Variants in GRIP2 observed in about 807,000 individuals in gnomAD.
GRIP2 encodes the protein glutamate receptor interacting protein 2.
GRIP2 carries 58 observed loss-of-function variants against 108.3 expected under a neutral mutation model. The observed-to-expected ratio is 0.54, with a 90% CI of 0.43 to 0.67. GRIP2 has a LOEUF of 0.67. Ranked by LOEUF, GRIP2 falls within the 30% of genes least tolerant of loss-of-function variation. The probability of loss-of-function intolerance (pLI) is 0.00; values close to 1 mark genes in which losing one functional copy is unlikely to be tolerated. For missense variants in GRIP2, 1,278 were observed against 1,430.6 expected (o/e 0.89, Z 1.72); for synonymous variants, 586 against 598.2 (o/e 0.98, Z 0.30).
At chr3:14,534,694 G>A (rs1343900463) in intron 1 of GRIP2, among the ~76,000 whole-genome samples, 2 of 152,176 alleles carry the variant, frequency 1.3e-5, no homozygotes, top group Non-Finnish European at 2.9e-5. Context: ...GGGACAGAGG[G>A]AGAAACGTGC....
At chr3:14,579,486 G>C in the GRIP2 span, among the ~76,000 whole-genome samples, 2 of 152,314 alleles carry the variant, frequency 1.3e-5, no homozygotes, top group East Asian at 3.9e-4. Context: ...TCGGATGGGA[G>C]GACGGGCATG....
chr3:14,502,266 G>A (rs1693786760), intron 21 of GRIP2, among the ~76,000 whole-genome samples: 1 of 152,190 alleles, frequency 6.6e-6, no homozygotes, highest in South Asian at 2.1e-4. Context: ...GCTGAGGCAG[G>A]TGGATCACTT....
At position 14,490,417 on chromosome 3, in the gene GRIP2, T is replaced by C. The variant is rs1701308829; in HGVS notation, c.*3248A>G. 6.5e-6 allele frequency: 1 copy of C among 152,812 alleles called. No individual in the cohort carries two copies. The highest frequency in any genetic ancestry group is 2.4e-5 in the African/African-American group (1 of 41,492). 9.5% of individuals were successfully genotyped at this position (152,812 alleles called of 1,614,324 possible). On this transcript the variant is annotated 3_prime_UTR_variant, in exon 24 of 24. Transcript: ENST00000621039. ...AGCTCTTCCTCTGCTCACAGAACTG[T>C]GGCCTCCCCAGTGGGGCCTGGCCCT...
chr3:14,537,864 T>C (rs1362931916), intron 1 of GRIP2, among the ~76,000 whole-genome samples: 1 of 152,182 alleles, frequency 6.6e-6, no homozygotes, highest in East Asian at 1.9e-4. Context: ...GGAACAAAGA[T>C]GTCTTTGTGG....
At chr3:14,515,697 G>A (rs1161947450) in intron 11 of GRIP2, among the ~76,000 whole-genome samples, 2 of 151,334 alleles carry the variant, frequency 1.3e-5, no homozygotes, top group African/African-American at 4.8e-5. Context: ...GTGCAGAAGC[G>A]CCACCTCGGC....
intron 1 of GRIP2, among the ~76,000 whole-genome samples, chr3:14,551,399 G>A (rs1695146535): frequency 2.0e-5 from 3 of 152,146 alleles, no homozygotes; most frequent in African/African-American, 4.8e-5. Flanking sequence ...AGCCTGGCAC[G>A]TCTGTCTGCT....
chr3:14,521,711 C>T lies in GRIP2; in HGVS notation c.643G>A (p.Ala215Thr), dbSNP rs374725925. ...CTGCACTGCCGCAGGGTGGCCAGGG[C>T]GGTGGCATGGCTGGCCCCGTGCAGC... ...IPLHGASHAT[A>T]LATLRQCSHE... Residue 215 changes from alanine (A) to threonine (T), a missense_variant, in exon 7 of 24, where the codon GCC (alanine) becomes ACC (threonine). Coordinates refer to ENST00000621039, the MANE Select transcript of GRIP2 (RefSeq NM_001080423.4). The surrounding 1 kb of genome is among the most constrained non-coding windows in gnomAD (Gnocchi z 5.1). 13 of 1,610,984 alleles carry T rather than the reference C, an allele frequency of 8.1e-6. No individual in the cohort carries two copies. Among genetic ancestry groups the T allele is most frequent in the South Asian group, 1.1e-5 (1 of 90,426 alleles).
Position 14,525,507 on chromosome 3 carries a change from T to G in GRIP2, c.187A>C (p.Ile63Leu). 1.2e-6 allele frequency: 2 copies of G among 1,613,680 alleles called. No individual in the cohort carries two copies. The highest frequency in any genetic ancestry group is 1.7e-6 in the Non-Finnish European group (2 of 1,179,802). The change falls in exon 3 of 24, where the codon ATC (isoleucine) becomes CTC (leucine). Residue 63 changes from isoleucine (I) to leucine (L), a missense_variant. By Grantham distance (5) the Ile-to-Leu change is conservative (BLOSUM62 2). Transcript: ENST00000621039. ...KKEGSTLGLT[I>L]SGGTDKDGKP... The stretch of plus-strand genomic sequence containing the variant: ...CCATCCTTGTCGGTGCCACCTGAGA[T>G]AGTCAGGCCCAGCGTGCTGCCTTCT...
At position 14,523,593 on chromosome 3, in the gene GRIP2, G is replaced by A. The variant is rs369160829; in HGVS notation, c.490+19C>T. ...CTCTTTCTTGCTGCCCCAATACCAA[G>A]GGCAATTCTTTCACTGACCTCTAAG... On this transcript the variant is annotated intron_variant, in intron 5 of 23. Transcript: ENST00000621039. 31 of 1,549,336 alleles carry A rather than the reference G, an allele frequency of 2.0e-5. No individual in the cohort carries two copies. The African/African-American group carries it at 2.2e-4, about 11-fold the overall frequency.
chr3:14,513,572 T>C (rs1694159798), intron 13 of GRIP2, 93 bp downstream of exon 13: 1 of 1,438,372 alleles, frequency 7.0e-7, no homozygotes, highest in African/African-American at 1.4e-5. Context: ...CAGAGGGGGA[T>C]GGGGTGGAGC....
chr3:14,552,838 C>A (rs1349863358), intron 1 of GRIP2, among the ~76,000 whole-genome samples: 4 of 152,054 alleles, frequency 2.6e-5, no homozygotes, highest in Non-Finnish European at 5.9e-5. Context: ...AGTGATCTGC[C>A]CACCTCAGAC....
chr3:14,506,864 T>G lies in GRIP2; in HGVS notation c.2335A>C (p.Ser779Arg). The change falls in exon 19 of 24, where the codon AGT becomes CGT. Residue 779 changes from serine to arginine, a missense_variant. By Grantham distance (110) the Ser-to-Arg change is moderately radical. Coordinates refer to ENST00000621039, the MANE Select transcript of GRIP2 (RefSeq NM_001080423.4). ...CAAGACTCCACAGCACTGTCCACACTGGGCACAGCCGGCGAGAAGCGGGCT... is the reference window on the plus strand; with the variant it reads ...CAAGACTCCACAGCACTGTCCACACGGGGCACAGCCGGCGAGAAGCGGGCT... Reference protein sequence around the residue: ...PAARFSPAVPSVDSAVESWDS... With the variant: ...PAARFSPAVPRVDSAVESWDS... 2 of 1,607,818 alleles carry G rather than the reference T, an allele frequency of 1.2e-6. No individual in the cohort carries two copies. The highest frequency in any genetic ancestry group is 1.7e-6 in the Non-Finnish European group (2 of 1,177,250).
At chr3:14,582,682 T>C in the GRIP2 span, among the ~76,000 whole-genome samples, 2 of 152,206 alleles carry the variant, frequency 1.3e-5, no homozygotes, top group Admixed American at 1.3e-4. Context: ...TGCAGTTCCT[T>C]GCAGGGCTGG....
At chr3:14,494,480 G>A (rs1024740227) in intron 23 of GRIP2, among the ~76,000 whole-genome samples, 5 of 152,240 alleles carry the variant, frequency 3.3e-5, no homozygotes, top group African/African-American at 9.6e-5. Flanking sequence ...AAGGTGATGA[G>A]TGTTGCTTCT....
rs759477638 is a variant in GRIP2 at position 14,517,109 on chromosome 3, T to C, written c.1261A>G (p.Thr421Ala). 1 of 1,608,606 alleles carries C rather than the reference T, an allele frequency of 6.2e-7. No homozygotes were observed. The highest frequency in any genetic ancestry group is 1.1e-5 in the South Asian group (1 of 90,358). ...RGSQPMSPRTTMGRRRQRRRE... is the reference protein window; with the variant it reads ...RGSQPMSPRTAMGRRRQRRRE... Reference sequence around the variant, plus strand: ...CTTCGCTGCCTCCTCCGCCCCATTGTAGTTCGAGGACTCATGGGCTGGGAT... The same window carrying C: ...CTTCGCTGCCTCCTCCGCCCCATTGCAGTTCGAGGACTCATGGGCTGGGAT... Residue 421 changes from threonine (T) to alanine (A), a missense_variant, in exon 11 of 24, where the codon ACA becomes GCA. Physicochemically the swap from Thr to Ala is moderately conservative, Grantham distance 58. Transcript: ENST00000621039.
chr3:14,592,652 A>G, the GRIP2 span, among the ~76,000 whole-genome samples: 1 of 152,308 alleles, frequency 6.6e-6, no homozygotes, highest in East Asian at 1.9e-4. Flanking sequence ...GATGTCACAC[A>G]TGAAGCTCTG....
the GRIP2 span, among the ~76,000 whole-genome samples, chr3:14,602,933 T>A: frequency 8.1e-5 from 12 of 148,388 alleles, no homozygotes; most frequent in African/African-American, 1.5e-4. This position sits in a 1 kb window ranked among gnomAD's most constrained non-coding sequence, Gnocchi z 4.7. Flanking sequence ...CTTACCTTCG[T>A]CCGGCAGCCG....
chr3:14,530,275 G>T (rs1361514854), intron 1 of GRIP2, among the ~76,000 whole-genome samples: 1 of 152,202 alleles, frequency 6.6e-6, no homozygotes, highest in Non-Finnish European at 1.5e-5. Flanking sequence ...AGCTTTTCCT[G>T]TGTCTCTGAG....
intron 1 of GRIP2, among the ~76,000 whole-genome samples, chr3:14,535,176 C>T (rs1199489822): frequency 2.6e-5 from 4 of 152,172 alleles, no homozygotes; most frequent in African/African-American, 4.8e-5. Flanking sequence ...CACCAAGTGA[C>T]GGTCCAGCCC....
Sources: gnomAD v4.1 joint callset for allele counts (sites outside exome capture counted in the v4.1 genomes callset) on GRCh38, gnomAD v4.1.1 for gene constraint, Gnocchi (gnomAD v3.1) non-coding constraint, MANE v1.5 for transcripts, NCBI Gene and HGNC (gene_info 2026-07-23, HGNC 2026-07-21) for gene names.